The following CHLSN variants were observed in gnomAD, a reference collection of about 807,000 sequenced individuals.
CHLSN encodes cholesin, also known as protein cholesin.
chr7:988,631 G>C, the CHLSN span: 12 of 1,602,276 alleles, frequency 7.5e-6, no homozygotes, highest in Non-Finnish European at 9.3e-6. Context: ...GACATCCCCC[G>C]CAGGCCGCCG....
At chr7:1,059,116 TCTCCTCAGCCACCAAATGTCCCTGACACC>T in the CHLSN span, 1 of 168,786 alleles carries the variant, frequency 5.9e-6, no homozygotes, top group Non-Finnish European at 1.4e-5. Flanking sequence ...AGTGACGCGC[TCTCCTCAGCCACCAAATGTCCCTGACACC>T]CTCCCCAGCC....
At chr7:1,095,555 G>A in the CHLSN span, among the ~76,000 whole-genome samples, 6 of 152,328 alleles carry the variant, frequency 3.9e-5, no homozygotes, top group South Asian at 8.3e-4. Context: ...AAGGGCAGAC[G>A]CTTTAAAATA....
chr7:1,066,074 G>A, the CHLSN span, among the ~76,000 whole-genome samples: 1 of 152,206 alleles, frequency 6.6e-6, no homozygotes, highest in Non-Finnish European at 1.5e-5. Flanking sequence ...GCATGGGGCC[G>A]ACACGACTCG....
the CHLSN span, among the ~76,000 whole-genome samples, chr7:1,104,119 G>T: frequency 6.6e-6 from 1 of 152,226 alleles, no homozygotes; most frequent in African/African-American, 2.4e-5. Flanking sequence ...CGGGACCAAA[G>T]TACCTGGGTT....
chr7:1,004,412 G>A, the CHLSN span, among the ~76,000 whole-genome samples: 6 of 152,310 alleles, frequency 3.9e-5, no homozygotes, highest in African/African-American at 1.4e-4. Context: ...GCCCACGCAC[G>A]GTGAGTCAGT....
chr7:983,190 G>A, the CHLSN span: 2 of 1,467,130 alleles, frequency 1.4e-6, no homozygotes, highest in Admixed American at 4.6e-5. Context: ...GAGGGGAGTG[G>A]AGCCTCACCA....
chr7:1,136,240 TATATATAAATATATATAAAC>T, the CHLSN span, among the ~76,000 whole-genome samples: 7 of 112,406 alleles, frequency 6.2e-5, no homozygotes, highest in African/African-American at 2.2e-4. Context: ...ATATATAAAA[TATATATAAATATATATAAAC>T]ATATATAAAT....
the CHLSN span, among the ~76,000 whole-genome samples, chr7:1,042,488 G>A: frequency 6.6e-6 from 1 of 152,196 alleles, no homozygotes; most frequent in Non-Finnish European, 1.5e-5. Context: ...CCTCTGGAGA[G>A]TGTTTACACC....
chr7:1,137,084 C>G, the CHLSN span, among the ~76,000 whole-genome samples: 1 of 152,140 alleles, frequency 6.6e-6, no homozygotes, highest in African/African-American at 2.4e-5. Context: ...AAGTCAAGGT[C>G]CTTGCCACTT....
At chr7:1,035,118 G>A in the CHLSN span, among the ~76,000 whole-genome samples, 1 of 152,266 alleles carries the variant, frequency 6.6e-6, no homozygotes, top group African/African-American at 2.4e-5. Flanking sequence ...CTTTGCTATT[G>A]TGAACAGTGA....
At chr7:1,044,971 C>T in the CHLSN span, among the ~76,000 whole-genome samples, 2 of 152,276 alleles carry the variant, frequency 1.3e-5, no homozygotes, top group African/African-American at 4.8e-5. Flanking sequence ...CAGGGCACCA[C>T]TGATCCTGCT....
the CHLSN span, among the ~76,000 whole-genome samples, chr7:1,032,293 G>T: frequency 1.3e-5 from 2 of 152,218 alleles, no homozygotes; most frequent in Non-Finnish European, 2.9e-5. Context: ...CCCGCAGGTG[G>T]ATCTGCTGTT....
the CHLSN span, among the ~76,000 whole-genome samples, chr7:1,027,827 T>G: frequency 3.3e-5 from 5 of 152,188 alleles, no homozygotes; most frequent in African/African-American, 9.7e-5. Flanking sequence ...GGCCGACGAC[T>G]CCAGCCCACC....
chr7:1,032,129 C>T, the CHLSN span, among the ~76,000 whole-genome samples: 1 of 152,174 alleles, frequency 6.6e-6, no homozygotes, highest in Non-Finnish European at 1.5e-5. Flanking sequence ...GCCCCACTTC[C>T]CAGACACACC....
At chr7:980,435 C>T in the CHLSN span, among the ~76,000 whole-genome samples, 2 of 152,228 alleles carry the variant, frequency 1.3e-5, no homozygotes, top group South Asian at 2.1e-4. Context: ...GGAGGTCCAC[C>T]GGACATCAGA....
At chr7:1,020,095 G>A in the CHLSN span, among the ~76,000 whole-genome samples, 1 of 152,210 alleles carries the variant, frequency 6.6e-6, no homozygotes, top group South Asian at 2.1e-4. Flanking sequence ...GCGGAGTGGT[G>A]GTGTCTGCTG....
the CHLSN span, among the ~76,000 whole-genome samples, chr7:1,051,236 C>CA: frequency 6.6e-6 from 1 of 152,250 alleles, no homozygotes; most frequent in African/African-American, 2.4e-5. Flanking sequence ...CACTGTGTCC[C>CA]AACCCCGGTC....
At chr7:1,131,920 A>T in the CHLSN span, among the ~76,000 whole-genome samples, 1 of 152,216 alleles carries the variant, frequency 6.6e-6, no homozygotes. Context: ...GTTTACTTTC[A>T]TTTACTGTCA....
At chr7:1,036,270 T>C in the CHLSN span, among the ~76,000 whole-genome samples, 100,564 of 151,880 alleles carry the variant, frequency 0.66, 34,862 homozygotes, top group African/African-American at 0.88. Context: ...TTCGGGCGGT[T>C]GTGCTGTGGC....
Sources: allele counts gnomAD v4.1 joint callset (sites outside exome capture counted in the v4.1 genomes callset), GRCh38; gene constraint gnomAD v4.1.1; transcripts MANE v1.5; gene names NCBI Gene and HGNC (gene_info 2026-07-23, HGNC 2026-07-21).